ADCY5: variants seen among roughly 807,000 people sequenced by gnomAD.
ADCY5 encodes adenylate cyclase 5, also known as adenylate cyclase type 5.
In ADCY5, 30 loss-of-function variants were observed where a neutral mutation model predicts 119.7. The ratio of observed to expected loss-of-function variants is 0.25; its 90% CI spans 0.19 to 0.34. ADCY5 has a LOEUF of 0.34. ADCY5 is among the 10% of genes least tolerant of loss of function. The probability of loss-of-function intolerance (pLI) is 1.00; values close to 1 mark genes in which losing one functional copy is unlikely to be tolerated. For missense variants in ADCY5, 1,324 were observed against 1,775.2 expected, an observed-to-expected ratio of 0.75 and a Z score of 4.57; for synonymous variants, 753 against 762.2, an observed-to-expected ratio of 0.99 and a Z score of 0.20.
intron 19 of ADCY5, 123 bp downstream of exon 19, chr3:123,289,627 G>T: frequency 8.5e-7 from 1 of 1,177,058 alleles, no homozygotes. Context: ...ATCAGCCTCT[G>T]CTGCCGCCTG....
At chr3:123,332,457 T>C in intron 4 of ADCY5, 107 bp downstream of exon 4, 1 of 811,148 alleles carries the variant, frequency 1.2e-6, no homozygotes, top group South Asian at 1.6e-5. Context: ...CAGCAGGATA[T>C]ACCCAGGCAC....
At chr3:123,377,707 C>G (rs942978845) in intron 1 of ADCY5, among the ~76,000 whole-genome samples, 1 of 152,086 alleles carries the variant, frequency 6.6e-6, no homozygotes, top group African/African-American at 2.4e-5. Flanking sequence ...GGAGACATAA[C>G]CCAGCACGAA....
intron 3 of ADCY5, among the ~76,000 whole-genome samples, chr3:123,336,915 C>T (rs1014099151): frequency 3.9e-5 from 6 of 152,204 alleles, no homozygotes; most frequent in Non-Finnish European, 1.5e-5. Context: ...CCTGGAGAGG[C>T]CCCCTACCCC....
intron 1 of ADCY5, among the ~76,000 whole-genome samples, chr3:123,379,572 G>A (rs1943958958): frequency 6.6e-6 from 1 of 152,132 alleles, no homozygotes; most frequent in African/African-American, 2.4e-5. Context: ...TCGCTGCTGT[G>A]AAGTGCAGGG....
chr3:123,387,210 G>C (rs1191755609), intron 1 of ADCY5, among the ~76,000 whole-genome samples: 1 of 152,242 alleles, frequency 6.6e-6, no homozygotes, highest in Non-Finnish European at 1.5e-5. Context: ...TGTGTGGGTT[G>C]TGAGAGCTAT....
chr3:123,332,494 C>T, intron 4 of ADCY5, 70 bp downstream of exon 4: 1 of 1,192,132 alleles, frequency 8.4e-7, no homozygotes, highest in Non-Finnish European at 1.2e-6. Context: ...TTCAGCAGGT[C>T]CTCGACCACA....
At chr3:123,427,743 T>G (rs537680134) in intron 1 of ADCY5, among the ~76,000 whole-genome samples, 1 of 152,194 alleles carries the variant, frequency 6.6e-6, no homozygotes, top group Non-Finnish European at 1.5e-5. Context: ...GCTTACTTCA[T>G]AGGACTACTG....
intron 12 of ADCY5, among the ~76,000 whole-genome samples, chr3:123,309,404 T>C (rs956027560): frequency 6.6e-6 from 1 of 152,240 alleles, no homozygotes; most frequent in Non-Finnish European, 1.5e-5. Context: ...AGGAGTCAAC[T>C]GGATATATTA....
intron 3 of ADCY5, among the ~76,000 whole-genome samples, chr3:123,338,554 A>C (rs1391382997): frequency 6.6e-6 from 1 of 152,228 alleles, no homozygotes; most frequent in African/African-American, 2.4e-5. Flanking sequence ...CCAGACGTGC[A>C]GGAAGGTGCT....
chr3:123,284,002 C>G lies in ADCY5; in HGVS notation c.*606G>C, dbSNP rs1198338073. The G allele has an allele frequency of 6.6e-6, 1 of 152,292 alleles. No individual in the cohort carries two copies. The highest frequency in any genetic ancestry group is 1.5e-5 in the Non-Finnish European group (1 of 68,102). 9.4% of individuals were successfully genotyped at this position (152,292 alleles called of 1,614,324 possible). On this transcript the variant is annotated 3_prime_UTR_variant, in exon 21 of 21. Transcript: ENST00000462833. ...ATCACCACTCCTTGCTTGGCGTCCT[C>G]TTGCCTCCCCCTCGTAATTAGTTCT...
At chr3:123,433,461 A>G (rs1945556808) in intron 1 of ADCY5, among the ~76,000 whole-genome samples, 1 of 152,246 alleles carries the variant, frequency 6.6e-6, no homozygotes, top group Non-Finnish European at 1.5e-5. Context: ...TCCCATCCCC[A>G]AAAGAAAATG....
chr3:123,349,702 C>T (rs1942743465), intron 2 of ADCY5, among the ~76,000 whole-genome samples: 1 of 152,144 alleles, frequency 6.6e-6, no homozygotes, highest in Admixed American at 6.6e-5. Flanking sequence ...TCCTGCCACC[C>T]CCAGACTGGC....
intron 3 of ADCY5, among the ~76,000 whole-genome samples, chr3:123,336,240 C>T (rs1170523972): frequency 6.6e-6 from 1 of 152,212 alleles, no homozygotes; most frequent in Non-Finnish European, 1.5e-5. Context: ...CTCCCAGGCA[C>T]CTGCCCCCTC....
intron 1 of ADCY5, among the ~76,000 whole-genome samples, chr3:123,353,770 C>T (rs1257523964): frequency 1.3e-5 from 2 of 152,308 alleles, no homozygotes; most frequent in East Asian, 3.9e-4. Flanking sequence ...TCTCTAGGGG[C>T]CTCTTGGCTC....
intron 1 of ADCY5, among the ~76,000 whole-genome samples, chr3:123,433,805 G>A (rs561477311): frequency 4.6e-5 from 7 of 152,046 alleles, no homozygotes; most frequent in Non-Finnish European, 7.4e-5. Context: ...CGGGCTGTGC[G>A]GCAGCCTCAC....
intron 5 of ADCY5, 31 bp downstream of exon 5, chr3:123,330,858 G>T: frequency 6.3e-7 from 1 of 1,593,364 alleles, no homozygotes; most frequent in Non-Finnish European, 8.5e-7. Flanking sequence ...GTCCCAGGGA[G>T]GGAGACGGTA....
chr3:123,353,459 G>A (rs1259164953), intron 1 of ADCY5, among the ~76,000 whole-genome samples: 1 of 152,188 alleles, frequency 6.6e-6, no homozygotes, highest in Non-Finnish European at 1.5e-5. Context: ...GGGTCCTGTT[G>A]TTGTCCTTGA....
intron 14 of ADCY5, among the ~76,000 whole-genome samples, chr3:123,302,679 T>G (rs1939914410): frequency 6.6e-6 from 1 of 152,256 alleles, no homozygotes; most frequent in Non-Finnish European, 1.5e-5. Context: ...CTGTGTGATC[T>G]GGGGCAAATT....
At chr3:123,386,915 A>C (rs1473653742) in intron 1 of ADCY5, among the ~76,000 whole-genome samples, 2 of 152,154 alleles carry the variant, frequency 1.3e-5, no homozygotes. Context: ...CGGCCACTCC[A>C]AAACAGAGAA....
Sources: allele counts gnomAD v4.1 joint callset (sites outside exome capture counted in the v4.1 genomes callset), GRCh38; gene constraint gnomAD v4.1.1; transcripts MANE v1.5; gene names NCBI Gene and HGNC (gene_info 2026-07-23, HGNC 2026-07-21).